Variants in PDLIM3 observed in about 807,000 individuals in gnomAD.
The protein encoded by PDLIM3 is PDZ and LIM domain protein 3.
A neutral mutation model predicts 37.3 loss-of-function variants in PDLIM3; 36 were observed. That is an observed-to-expected ratio of 0.97 (90% confidence interval 0.74 to 1.28). The LOEUF is 1.28. Among genes scored for constraint, PDLIM3 ranks in the 50% most tolerant of loss-of-function variants. The probability of loss-of-function intolerance (pLI) is 0.00; values close to 1 mark genes in which losing one functional copy is unlikely to be tolerated. For synonymous variants in PDLIM3, 174 were observed against 182.4 expected (o/e 0.95, Z 0.37); for missense variants, 454 against 485.0 (o/e 0.94, Z 0.60).
intron 3 of PDLIM3, chr4:185,517,690 A>C (rs955453609): frequency 5.9e-5 from 9 of 152,034 alleles, no homozygotes; most frequent in Non-Finnish European, 1.2e-4. Context: ...TAAAAAAAAA[A>C]ACCAACAACC....
intron 4 of PDLIM3, among the ~76,000 whole-genome samples, chr4:185,510,791 C>T (rs1443414600): frequency 6.6e-6 from 1 of 152,192 alleles, no homozygotes; most frequent in African/African-American, 2.4e-5. Flanking sequence ...AGGCCCATGT[C>T]TATTAAATAA....
In PDLIM3 at chr4:185,514,528, G is replaced by A; in HGVS notation, c.331-191C>T. 1.5e-6 allele frequency: 2 copies of A among 1,296,130 alleles called. No homozygotes were observed. Among genetic ancestry groups the A allele is most frequent in the East Asian group, 2.5e-5 (1 of 39,616 alleles). The allele number at this position is 1,296,130 out of a possible 1,614,324, so 80.3% of individuals were successfully genotyped here. A position where few individuals can be genotyped will look rare whatever the true frequency, so the allele number is the denominator to read the frequency against. On this transcript the variant is annotated intron_variant, in intron 3 of 7. Transcript: ENST00000284767. The surrounding 1 kb of genome is among the most constrained non-coding windows in gnomAD (Gnocchi z 4.0). ...ATCCGCTAAACGGTCAGGCACTGGC[G>A]GATTGGACCCCACAACAATTAGAAC...
In PDLIM3 at chr4:185,502,370, T is replaced by A; in HGVS notation, c.1019A>T (p.Tyr340Phe). 2 of 1,614,220 alleles carry A rather than the reference T, an allele frequency of 1.2e-6. No homozygotes were observed. Among genetic ancestry groups the A allele is most frequent in the Non-Finnish European group, 8.5e-7 (1 of 1,180,042 alleles). The change falls in exon 8 of 8, where the codon TAC (tyrosine) becomes TTC (phenylalanine). Residue 340 changes from tyrosine (Y) to phenylalanine (F), a missense_variant. Physicochemically the swap from Tyr to Phe is conservative, Grantham distance 22 (BLOSUM62 3). Transcript: ENST00000284767. ...KGYFFIEGEL[Y>F]CETHARARTK... ...GCGGGCTCTTGCGTGGGTTTCGCAG[T>A]ACAGCTCCCCTTCTATGAAGAAGTA...
At chr4:185,503,584 A>G (rs1434801571) in intron 7 of PDLIM3, among the ~76,000 whole-genome samples, 1 of 152,252 alleles carries the variant, frequency 6.6e-6, no homozygotes, top group East Asian at 1.9e-4. Context: ...GCCACATGGC[A>G]CGAATGCCAT....
chr4:185,527,116 G>A (rs912189928), intron 1 of PDLIM3, among the ~76,000 whole-genome samples: 2 of 152,114 alleles, frequency 1.3e-5, no homozygotes, highest in African/African-American at 4.8e-5. Context: ...CAATTAAAAA[G>A]CATTTGTCAG....
At chr4:185,513,712 T>G in intron 4 of PDLIM3, 1 of 1,014,420 alleles carries the variant, frequency 9.9e-7, no homozygotes, top group Non-Finnish European at 1.2e-6. Flanking sequence ...AGAGGTTTCC[T>G]GAAGTCACTG....
chr4:185,512,601 T>G (rs186922100), intron 4 of PDLIM3: 10 of 931,212 alleles, frequency 1.1e-5, no homozygotes, highest in Non-Finnish European at 1.3e-5. Context: ...TTCCTGACTT[T>G]TTATAAAATT....
intron 1 of PDLIM3, among the ~76,000 whole-genome samples, chr4:185,532,312 G>A (rs569572473): frequency 6.6e-6 from 1 of 152,334 alleles, no homozygotes; most frequent in African/African-American, 2.4e-5. Flanking sequence ...ATGGCCCCCA[G>A]ATTAGAAGGT....
At chr4:185,531,831 C>CACCAAAGT (rs1561206129) in intron 1 of PDLIM3, among the ~76,000 whole-genome samples, 1 of 150,434 alleles carries the variant, frequency 6.6e-6, no homozygotes, top group Non-Finnish European at 1.5e-5. Flanking sequence ...TGGTGGCTCA[C>CACCAAAGT]GACTGTAATC....
chr4:185,530,967 AACACACACACACACACACACATAC>A lies in PDLIM3; in HGVS notation c.93+4351_93+4374del, dbSNP rs1200506278. On this transcript the variant is annotated intron_variant, in intron 1 of 7. Transcript: ENST00000284767. Reference sequence around the variant, plus strand: ...TTTATCATAGGTATGCATGCATAGAAACACACACACACACACACACATACACACACACACACACACACACACACG... The same window carrying A: ...TTTATCATAGGTATGCATGCATAGAAACACACACACACACACACACACACG... 4.1e-4 allele frequency among the ~76,000 whole-genome samples: 21 copies of A among 51,492 alleles called. No homozygotes were observed. The East Asian group carries it at 8.8e-3, about 22-fold the overall frequency. 33.8% of individuals were successfully genotyped at this position (51,492 alleles called of 152,430 possible).
intron 3 of PDLIM3, among the ~76,000 whole-genome samples, chr4:185,518,205 G>T (rs1343484945): frequency 6.6e-6 from 1 of 152,116 alleles, no homozygotes; most frequent in Non-Finnish European, 1.5e-5. Context: ...TGCTAGAGCT[G>T]CCCCAGTGAA....
At chr4:185,508,744 G>A (rs1024972728) in intron 4 of PDLIM3, among the ~76,000 whole-genome samples, 182 bp from the exon 5 acceptor site, 2 of 152,160 alleles carry the variant, frequency 1.3e-5, no homozygotes, top group Non-Finnish European at 2.9e-5. Flanking sequence ...AAGGGAAGAC[G>A]GTGAAAAATT....
At chr4:185,527,097 T>C (rs1008054012) in intron 1 of PDLIM3, among the ~76,000 whole-genome samples, 4 of 152,218 alleles carry the variant, frequency 2.6e-5, no homozygotes, top group Admixed American at 6.5e-5. Flanking sequence ...TTTAGAATAA[T>C]TGAAGAATCA....
intron 1 of PDLIM3, among the ~76,000 whole-genome samples, chr4:185,525,433 G>T (rs1265771048): frequency 6.6e-6 from 1 of 152,086 alleles, no homozygotes. Context: ...ATAATTCCCA[G>T]TGTGAATCAT....
rs1243081839 is a variant in PDLIM3 at position 185,509,141 on chromosome 4, A to G, written c.399-579T>C. 2.6e-5 allele frequency among the ~76,000 whole-genome samples: 4 copies of G among 152,228 alleles called. No homozygotes were observed. In the South Asian group the frequency reaches 8.3e-4, roughly 31 times the overall value. Reference sequence around the variant, plus strand: ...TAGTAATTGGTAACTTGTAGGTTTTATGGTACAGATTATGTTTTAAGGCTA... The same window carrying G: ...TAGTAATTGGTAACTTGTAGGTTTTGTGGTACAGATTATGTTTTAAGGCTA... On this transcript the variant is annotated intron_variant, in intron 4 of 7. Transcript: ENST00000284767.
intron 1 of PDLIM3, among the ~76,000 whole-genome samples, chr4:185,530,020 C>T (rs2153339308): frequency 6.6e-6 from 1 of 152,260 alleles, no homozygotes; most frequent in Middle Eastern, 3.4e-3. Flanking sequence ...TATACATGTT[C>T]CTTTTTTTCT....
At chr4:185,529,733 A>G (rs1396669034) in intron 1 of PDLIM3, among the ~76,000 whole-genome samples, 1 of 152,234 alleles carries the variant, frequency 6.6e-6, no homozygotes, top group Non-Finnish European at 1.5e-5. Context: ...ACTATTGAGA[A>G]CTATTATCTC....
In PDLIM3 at chr4:185,535,340, A is replaced by G. The variant is rs750559255; in HGVS notation, c.93+2T>C. 1 of 1,605,944 alleles carries G rather than the reference A, an allele frequency of 6.2e-7. No individual in the cohort carries two copies. Among genetic ancestry groups the G allele is most frequent in the Non-Finnish European group, 8.5e-7 (1 of 1,176,176 alleles). On this transcript the variant is annotated splice_donor_variant, in intron 1 of 7. Coordinates refer to ENST00000284767, the MANE Select transcript of PDLIM3 (RefSeq NM_014476.6). LOFTEE classifies it high-confidence loss of function. ...AGCAAAAGCAAGAATGCCGACACCTACCCTGGTGATGACCAAAGGCTGGTT... is the reference window on the plus strand; with the variant it reads ...AGCAAAAGCAAGAATGCCGACACCTGCCCTGGTGATGACCAAAGGCTGGTT...
At position 185,525,160 on chromosome 4, in the gene PDLIM3, T is replaced by C. The variant is rs2095731006; in HGVS notation, c.105A>G (p.Gly35=). 3 of 1,614,052 alleles carry C rather than the reference T, an allele frequency of 1.9e-6. No homozygotes were observed. Among genetic ancestry groups the C allele is most frequent in the East Asian group, 2.2e-5 (1 of 44,898 alleles). Residue 35 remains glycine, a synonymous_variant, in exon 2 of 8, where the codon GGA becomes GGG. Transcript: ENST00000284767. Reference sequence around the variant, plus strand: ...ACAGGTTGGCAGCTGCCGCCTTGCTTCCTGGTGTAATCTGGAAGAAATCAT... The same window carrying C: ...ACAGGTTGGCAGCTGCCGCCTTGCTCCCTGGTGTAATCTGGAAGAAATCAT... ...QPLVITRITP[G]SKAAAANLCP... is the part of the protein sequence containing the mutation.
Sources: gnomAD v4.1 joint callset for allele counts (sites outside exome capture counted in the v4.1 genomes callset) on GRCh38, gnomAD v4.1.1 for gene constraint, Gnocchi (gnomAD v3.1) non-coding constraint, MANE v1.5 for transcripts, NCBI Gene and HGNC (gene_info 2026-07-23, HGNC 2026-07-21) for gene names.